The following EPHA6 variants were observed in gnomAD, a reference collection of about 807,000 sequenced individuals.
EPHA6 encodes ephrin type-A receptor 6.
Under a neutral mutation model 112.0 loss-of-function variants are expected in EPHA6, and 50 were observed. The observed-to-expected ratio is 0.45, with a 90% CI of 0.36 to 0.56. The LOEUF (loss-of-function observed/expected upper bound fraction) is 0.56, where lower values mean the gene tolerates loss of function less well. Among genes scored for constraint, EPHA6 ranks in the 20% least tolerant of loss-of-function variants. The pLI, the probability that EPHA6 is intolerant of heterozygous loss-of-function variation, is 0.00. For missense variants in EPHA6, 1,280 were observed against 1,417.4 expected, an observed-to-expected ratio of 0.90 and a Z score of 1.56; for synonymous variants, 529 against 490.7, an observed-to-expected ratio of 1.08 and a Z score of -1.03.
chr3:97,146,520 A>T (rs2076046655), intron 3 of EPHA6, among the ~76,000 whole-genome samples: 1 of 151,624 alleles, frequency 6.6e-6, no homozygotes, highest in Non-Finnish European at 1.5e-5. Flanking sequence ...CTCAACCCAA[A>T]CTCTTCAAAA....
At chr3:97,499,866 G>T (rs1462536878) in intron 10 of EPHA6, among the ~76,000 whole-genome samples, 4 of 152,084 alleles carry the variant, frequency 2.6e-5, no homozygotes, top group African/African-American at 9.7e-5. Context: ...GTACACTACT[G>T]TATGTAAACT....
rs79330478 is a variant in EPHA6, at chr3:97,310,092, T to C, written c.1606+65805T>C. ...AACTCTTTTGGTTAAAAGACTTCCGTGGCCTTTTTCAAAATAAAGCCAAAA... is the reference window on the plus strand; with the variant it reads ...AACTCTTTTGGTTAAAAGACTTCCGCGGCCTTTTTCAAAATAAAGCCAAAA... On this transcript the variant is annotated intron_variant, in intron 5 of 17. Coordinates refer to ENST00000389672, the MANE Select transcript of EPHA6 (RefSeq NM_001080448.3). 9.3e-4 allele frequency among the ~76,000 whole-genome samples: 141 copies of C among 151,698 alleles called. 2 individuals carry two copies. In the East Asian group the frequency reaches 0.022, roughly 24 times the overall value.
At chr3:97,663,669 AT>A (rs2094185725) in intron 14 of EPHA6, among the ~76,000 whole-genome samples, 2 of 151,942 alleles carry the variant, frequency 1.3e-5, no homozygotes, top group African/African-American at 4.8e-5. Flanking sequence ...TGAACTCATC[AT>A]TTTTTATGGC....
intron 11 of EPHA6, among the ~76,000 whole-genome samples, chr3:97,564,100 G>A (rs764954164): frequency 9.9e-5 from 15 of 152,130 alleles, no homozygotes; most frequent in Non-Finnish European, 1.8e-4. Context: ...AGTTAATTAG[G>A]GGGAAAACTA....
chr3:97,519,009 A>C (rs1416682769), intron 10 of EPHA6, among the ~76,000 whole-genome samples: 1 of 151,812 alleles, frequency 6.6e-6, no homozygotes, highest in African/African-American at 2.4e-5. Context: ...AAATAGTACC[A>C]TTTGTCTACT....
chr3:96,952,959 C>CGTGACA (rs1441699958), intron 2 of EPHA6, among the ~76,000 whole-genome samples: 1 of 151,976 alleles, frequency 6.6e-6, no homozygotes, highest in Non-Finnish European at 1.5e-5. Context: ...AACAAACCCC[C>CGTGACA]GTGACACGAG....
chr3:97,271,517 C>A (rs1224533899), intron 5 of EPHA6, among the ~76,000 whole-genome samples: 1 of 152,142 alleles, frequency 6.6e-6, no homozygotes, highest in Non-Finnish European at 1.5e-5. Context: ...ACCACCATAC[C>A]CGGCTACTTT....
chr3:97,037,039 ATGTT>A (rs1410389676), intron 3 of EPHA6, among the ~76,000 whole-genome samples: 2 of 152,026 alleles, frequency 1.3e-5, no homozygotes, highest in East Asian at 3.9e-4. Context: ...ATGAGGCAAA[ATGTT>A]TGTTTACTAA....
intron 3 of EPHA6, among the ~76,000 whole-genome samples, chr3:97,209,162 T>G (rs1444308104): frequency 6.6e-6 from 1 of 152,106 alleles, no homozygotes; most frequent in Non-Finnish European, 1.5e-5. Flanking sequence ...TAATTAACAA[T>G]GGAATTGAGA....
chr3:97,238,123 G>A (rs991213608), intron 4 of EPHA6, among the ~76,000 whole-genome samples: 1 of 152,054 alleles, frequency 6.6e-6, no homozygotes, highest in East Asian at 1.9e-4. Context: ...GAAACTTGAA[G>A]ATGCAAATGC....
intron 9 of EPHA6, among the ~76,000 whole-genome samples, chr3:97,482,439 G>T (rs1379843): frequency 0.075 from 11,366 of 152,190 alleles, 1,324 homozygotes; most frequent in African/African-American, 0.25. Context: ...TTCTTCAATG[G>T]ATGCTTTGAG....
At chr3:97,596,902 A>ATG (rs2093599004) in intron 12 of EPHA6, among the ~76,000 whole-genome samples, 3 of 114,324 alleles carry the variant, frequency 2.6e-5, no homozygotes, top group South Asian at 3.0e-4. Flanking sequence ...ATATATATAT[A>ATG]TATGTATGTA....
At chr3:97,124,822 C>A (rs2048139737) in intron 3 of EPHA6, among the ~76,000 whole-genome samples, 1 of 152,134 alleles carries the variant, frequency 6.6e-6, no homozygotes, top group Non-Finnish European at 1.5e-5. Context: ...TAGTAACACC[C>A]ACAGGGGATG....
intron 14 of EPHA6, among the ~76,000 whole-genome samples, chr3:97,698,431 G>A (rs1013722163): frequency 8.7e-5 from 13 of 150,006 alleles, no homozygotes; most frequent in African/African-American, 2.5e-4. Context: ...TTGTAAAACC[G>A]TATTTTGCCA....
intron 14 of EPHA6, among the ~76,000 whole-genome samples, chr3:97,667,102 C>T (rs935662744): frequency 6.6e-6 from 1 of 152,162 alleles, no homozygotes; most frequent in Non-Finnish European, 1.5e-5. Context: ...TTTTGACTTA[C>T]AAATGCCAGG....
At chr3:97,508,825 T>C (rs920152695) in intron 10 of EPHA6, among the ~76,000 whole-genome samples, 3 of 152,062 alleles carry the variant, frequency 2.0e-5, no homozygotes, top group Non-Finnish European at 1.5e-5. Context: ...ACTTGTTTTA[T>C]GAACCTGGGA....
intron 11 of EPHA6, among the ~76,000 whole-genome samples, chr3:97,582,138 T>C (rs539592684): frequency 6.6e-6 from 1 of 152,270 alleles, no homozygotes; most frequent in South Asian, 2.1e-4. Flanking sequence ...CAAGCAATTC[T>C]CCTGCCTCAG....
At chr3:97,280,598 C>T (rs1286040919) in intron 5 of EPHA6, among the ~76,000 whole-genome samples, 2 of 152,030 alleles carry the variant, frequency 1.3e-5, no homozygotes, top group Non-Finnish European at 2.9e-5. Context: ...ATGGTCTCTT[C>T]GAGCACACCT....
chr3:97,389,336 G>A (rs1436485981), intron 5 of EPHA6, among the ~76,000 whole-genome samples: 1 of 152,180 alleles, frequency 6.6e-6, no homozygotes, highest in Non-Finnish European at 1.5e-5. Context: ...ATATGGTCAT[G>A]ATGTGTGCTG....
Sources: gnomAD v4.1 joint callset for allele counts (sites outside exome capture counted in the v4.1 genomes callset) on GRCh38, gnomAD v4.1.1 for gene constraint, MANE v1.5 for transcripts, NCBI Gene and HGNC (gene_info 2026-07-23, HGNC 2026-07-21) for gene names.